MIS18A: variants seen among roughly 807,000 people sequenced by gnomAD.
The protein encoded by MIS18A is MIS18 kinetochore protein A.
A neutral mutation model predicts 25.0 loss-of-function variants in MIS18A; 14 were observed. The observed-to-expected ratio is 0.56, with a 90% CI of 0.37 to 0.88. The LOEUF (loss-of-function observed/expected upper bound fraction) is 0.88. Ranked by LOEUF, MIS18A falls within the 40% of genes least tolerant of loss-of-function variation. The probability of loss-of-function intolerance (pLI) is 0.00; values close to 1 mark genes in which losing one functional copy is unlikely to be tolerated. For missense variants in MIS18A, 292 were observed against 290.8 expected (o/e 1.00, Z -0.03); for synonymous variants, 134 against 118.6 (o/e 1.13, Z -0.84).
At chr21:32,169,869 A>G in the MIS18A span, among the ~76,000 whole-genome samples, 4 of 152,154 alleles carry the variant, frequency 2.6e-5, no homozygotes, top group African/African-American at 9.6e-5. Flanking sequence ...CAACAACAAT[A>G]AAAAACAACA....
chr21:32,243,302 A>G, the MIS18A span, among the ~76,000 whole-genome samples: 2 of 152,064 alleles, frequency 1.3e-5, no homozygotes, highest in African/African-American at 2.4e-5. Context: ...ATCAAGCTAC[A>G]GACTGGGAGA....
chr21:32,240,480 C>T, the MIS18A span, among the ~76,000 whole-genome samples: 1 of 152,222 alleles, frequency 6.6e-6, no homozygotes, highest in Non-Finnish European at 1.5e-5. Context: ...AAATTTCTCA[C>T]AGTTGTTGTT....
At chr21:32,232,544 A>G in the MIS18A span, among the ~76,000 whole-genome samples, 2 of 152,070 alleles carry the variant, frequency 1.3e-5, no homozygotes, top group African/African-American at 4.8e-5. Flanking sequence ...GTGTATATAT[A>G]TAATTGAATA....
At chr21:32,168,467 T>A in the MIS18A span, among the ~76,000 whole-genome samples, 1 of 152,070 alleles carries the variant, frequency 6.6e-6, no homozygotes, top group Non-Finnish European at 1.5e-5. Context: ...CAGACAGAAA[T>A]GTATGAAGGA....
chr21:32,204,408 AATC>A, the MIS18A span, among the ~76,000 whole-genome samples: 2 of 152,014 alleles, frequency 1.3e-5, no homozygotes, highest in East Asian at 1.9e-4. Flanking sequence ...GAGGCAGGAG[AATC>A]ACTTGAACCT....
the MIS18A span, among the ~76,000 whole-genome samples, chr21:32,211,312 A>T: frequency 6.6e-6 from 1 of 152,212 alleles, no homozygotes; most frequent in African/African-American, 2.4e-5. Context: ...AAGTTCTGGG[A>T]TTACAGGCGT....
At chr21:32,181,242 C>T in the MIS18A span, among the ~76,000 whole-genome samples, 7 of 152,124 alleles carry the variant, frequency 4.6e-5, no homozygotes, top group East Asian at 3.9e-4. Context: ...AGAGTCAGAC[C>T]GGAACCTACA....
the MIS18A span, among the ~76,000 whole-genome samples, chr21:32,191,642 G>A: frequency 2.6e-5 from 4 of 152,124 alleles, no homozygotes; most frequent in Admixed American, 6.5e-5. Flanking sequence ...GGTGGCTCAC[G>A]GCTGTAATCC....
the MIS18A span, among the ~76,000 whole-genome samples, chr21:32,252,566 T>C: frequency 6.6e-6 from 1 of 152,190 alleles, no homozygotes; most frequent in South Asian, 2.1e-4. Flanking sequence ...TATTTATTCA[T>C]CTCTGCTTCT....
At chr21:32,213,370 A>G in the MIS18A span, among the ~76,000 whole-genome samples, 3 of 152,236 alleles carry the variant, frequency 2.0e-5, no homozygotes, top group Admixed American at 1.3e-4. Flanking sequence ...TCTGACATAG[A>G]ATTCACTCCA....
At position 32,270,532 on chromosome 21, in the gene MIS18A, G is replaced by T; in HGVS notation, c.402-3C>A. On this transcript the variant is annotated splice_region_variant and splice_polypyrimidine_tract_variant and intron_variant, in intron 2 of 4. Transcript: ENST00000290130. ...CGCAGCACAAAGTCTCAAGGACGCT[G>T]CAATAAAGAAATGTCTTGCTTTAGG... 6.5e-7 allele frequency: 1 copy of T among 1,536,650 alleles called. No individual in the cohort carries two copies. Among genetic ancestry groups the T allele is most frequent in the Non-Finnish European group, 8.7e-7 (1 of 1,143,744 alleles).
chr21:32,269,190 T>A, intron 4 of MIS18A, 73 bp from the exon 5 acceptor site: 1 of 1,108,144 alleles, frequency 9.0e-7, no homozygotes, highest in Non-Finnish European at 1.3e-6. Flanking sequence ...TAAATATAAT[T>A]AAGATATACA....
chr21:32,185,882 G>A, the MIS18A span, among the ~76,000 whole-genome samples: 13 of 152,064 alleles, frequency 8.5e-5, no homozygotes, highest in East Asian at 1.2e-3. Flanking sequence ...TCGTATTTCC[G>A]GTAACTTCAT....
At chr21:32,177,866 T>C in the MIS18A span, among the ~76,000 whole-genome samples, 1 of 152,038 alleles carries the variant, frequency 6.6e-6, no homozygotes, top group South Asian at 2.1e-4. Context: ...AATTGATCTA[T>C]AGATTCAATG....
the MIS18A span, among the ~76,000 whole-genome samples, chr21:32,175,888 A>G: frequency 2.0e-5 from 3 of 152,068 alleles, no homozygotes; most frequent in Non-Finnish European, 2.9e-5. Context: ...CTTATTCCAT[A>G]TGCCTTTCTG....
At chr21:32,191,233 A>G in the MIS18A span, among the ~76,000 whole-genome samples, 3 of 152,190 alleles carry the variant, frequency 2.0e-5, no homozygotes, top group African/African-American at 7.2e-5. Flanking sequence ...TCTTTTCTCT[A>G]TGAAAGCACA....
At chr21:32,219,789 G>A in the MIS18A span, among the ~76,000 whole-genome samples, 1 of 152,290 alleles carries the variant, frequency 6.6e-6, no homozygotes, top group African/African-American at 2.4e-5. Context: ...GCTTGGTGAG[G>A]GAAGGGGCAT....
chr21:32,173,505 G>A, the MIS18A span, among the ~76,000 whole-genome samples: 5 of 152,104 alleles, frequency 3.3e-5, no homozygotes, highest in African/African-American at 1.2e-4. Context: ...AATGTTCCTA[G>A]CAACATTTTT....
chr21:32,164,177 T>G, the MIS18A span, among the ~76,000 whole-genome samples: 1 of 152,070 alleles, frequency 6.6e-6, no homozygotes, highest in Non-Finnish European at 1.5e-5. Context: ...AACATAAGAC[T>G]TGGTGAGGCC....
Sources: gnomAD v4.1 joint callset for allele counts (sites outside exome capture counted in the v4.1 genomes callset) on GRCh38, gnomAD v4.1.1 for gene constraint, MANE v1.5 for transcripts, NCBI Gene and HGNC (gene_info 2026-07-23, HGNC 2026-07-21) for gene names.